The following BRWD1 variants were observed in gnomAD, a reference collection of about 807,000 sequenced individuals.
BRWD1 encodes bromodomain and WD repeat domain containing 1.
Under a neutral mutation model 251.2 loss-of-function variants are expected in BRWD1, and 82 were observed. That is an observed-to-expected ratio of 0.33 (90% CI 0.27 to 0.39). The LOEUF (loss-of-function observed/expected upper bound fraction) is 0.39. Ranked by LOEUF, BRWD1 falls within the 10% of genes least tolerant of loss-of-function variation. BRWD1 has a pLI of 1.00. For missense variants in BRWD1, 2,233 were observed against 2,711.6 expected, an observed-to-expected ratio of 0.82 and a Z score of 3.92; for synonymous variants, 918 against 902.8, an observed-to-expected ratio of 1.02 and a Z score of -0.30.
chr21:39,231,068 C>T (rs2146549641), intron 25 of BRWD1, among the ~76,000 whole-genome samples: 1 of 152,218 alleles, frequency 6.6e-6, no homozygotes, highest in Admixed American at 6.5e-5. Context: ...TAAAGCCTAA[C>T]TTATACAAGC....
At chr21:39,185,381 G>A (rs1272929042), downstream of BRWD1, 1 of 147,434 alleles carries the variant, frequency 6.8e-6, no homozygotes, top group Non-Finnish European at 1.5e-5. Context: ...ACTTGTTGAG[G>A]ACATAATATA....
At chr21:39,291,495 T>A (rs1394903959) in intron 8 of BRWD1, among the ~76,000 whole-genome samples, 1 of 152,140 alleles carries the variant, frequency 6.6e-6, no homozygotes, top group Non-Finnish European at 1.5e-5. Flanking sequence ...ACCAACATGT[T>A]TTTCCATATG....
intron 5 of BRWD1, chr21:39,296,736 TA>T (rs34798659): frequency 1 from 890,854 of 892,416 alleles, 444,652 homozygotes; most frequent in East Asian, 1. Flanking sequence ...AAATGATTGG[TA>T]AAAGATGGAC....
At chr21:39,305,011 G>A (rs1460989040) in intron 4 of BRWD1, among the ~76,000 whole-genome samples, 2 of 146,068 alleles carry the variant, frequency 1.4e-5, no homozygotes, top group Non-Finnish European at 3.0e-5. Context: ...CCAGGCTGGA[G>A]TGCAGTGGCA....
rs114540030 is a variant in BRWD1 at position 39,191,335 on chromosome 21, T to C, written c.*4924A>G. 3.2e-3 allele frequency: 3,112 copies of C among 985,278 alleles called. 69 individuals are homozygous for C. In the African/African-American group the frequency reaches 0.049, roughly 15 times the overall value. The allele number at this position is 985,278 out of a possible 1,614,324, so 61.0% of individuals were successfully genotyped here. A position where few individuals can be genotyped will look rare whatever the true frequency, so the allele number is the denominator to read the frequency against. On this transcript the variant is annotated 3_prime_UTR_variant, in exon 41 of 41. Coordinates refer to ENST00000342449, the MANE Select transcript of BRWD1 (RefSeq NM_033656.4). ...AAAGAAATTACCAGTGGAAAAGAGGTTGGGGAACCACTTGGGACAAGTCTG... is the reference window on the plus strand; with the variant it reads ...AAAGAAATTACCAGTGGAAAAGAGGCTGGGGAACCACTTGGGACAAGTCTG...
At chr21:39,228,912 T>C (rs555728538) in intron 26 of BRWD1, among the ~76,000 whole-genome samples, 19 of 152,330 alleles carry the variant, frequency 1.2e-4, no homozygotes, top group Non-Finnish European at 1.8e-4. Flanking sequence ...TATTAAGACA[T>C]TCAATCAAAC....
intron 31 of BRWD1, chr21:39,217,460 C>A: frequency 4.8e-6 from 1 of 206,206 alleles, no homozygotes; most frequent in South Asian, 7.7e-5. Context: ...ATATCATATT[C>A]AACAGAACGA....
chr21:39,217,685 A>G (rs939607099), intron 31 of BRWD1, among the ~76,000 whole-genome samples: 1 of 152,234 alleles, frequency 6.6e-6, no homozygotes, highest in African/African-American at 2.4e-5. Flanking sequence ...ACCAAGAATA[A>G]TTAAAATAGA....
intron 23 of BRWD1, 46 bp downstream of exon 23, chr21:39,236,549 T>TG: frequency 7.0e-7 from 1 of 1,423,992 alleles, no homozygotes; most frequent in Non-Finnish European, 9.6e-7. Context: ...GGGGTAAAGC[T>TG]GGGGTATCAT....
intron 31 of BRWD1, among the ~76,000 whole-genome samples, chr21:39,216,077 A>G (rs2032879365): frequency 6.6e-6 from 1 of 152,226 alleles, no homozygotes. Context: ...ATGGGAATGC[A>G]CATTCCAGTG....
At chr21:39,311,996 G>A (rs767039888) in intron 4 of BRWD1, among the ~76,000 whole-genome samples, 1 of 152,144 alleles carries the variant, frequency 6.6e-6, no homozygotes, top group Non-Finnish European at 1.5e-5. Flanking sequence ...ACAAGATGCT[G>A]AATATGGCCT....
rs776715448 is a variant in BRWD1 at position 39,197,178 on chromosome 21, G to A, written c.5891C>T (p.Pro1964Leu). The change falls in exon 41 of 41, where the codon CCT becomes CTT. Residue 1964 changes from proline to leucine, a missense_variant. Physicochemically the swap from Pro to Leu is moderately conservative, Grantham distance 98. This residue lies in a region of BRWD1 where 928 missense variants were observed against 970.0 expected (regional missense o/e 0.96). Coordinates refer to ENST00000342449, the MANE Select transcript of BRWD1 (RefSeq NM_033656.4). Reference sequence around the variant, plus strand: ...AGCTGTAGTACAAGCAAGATGGAGAGGTTTTTTCCTTCCATTTTTGCTTCT... The same window carrying A: ...AGCTGTAGTACAAGCAAGATGGAGAAGTTTTTTCCTTCCATTTTTGCTTCT... ...HTRSKNGRKK[P>L]LHLACTTAKK... 80 of 1,613,944 alleles carry A rather than the reference G, an allele frequency of 5.0e-5. No homozygotes were observed. The South Asian group carries it at 8.5e-4, about 17-fold the overall frequency.
chr21:39,263,958 T>C (rs904557576), intron 17 of BRWD1, among the ~76,000 whole-genome samples: 1 of 152,116 alleles, frequency 6.6e-6, no homozygotes, highest in Non-Finnish European at 1.5e-5. Flanking sequence ...AATCAAGAAG[T>C]AGACAAACCC....
chr21:39,318,458 A>G (rs1405024765), upstream of BRWD1, among the ~76,000 whole-genome samples: 1 of 152,198 alleles, frequency 6.6e-6, no homozygotes, highest in Non-Finnish European at 1.5e-5. Flanking sequence ...GTTGATGTAC[A>G]CACAACATCA....
intron 29 of BRWD1, among the ~76,000 whole-genome samples, chr21:39,223,068 A>T (rs1005037943): frequency 6.6e-6 from 1 of 152,212 alleles, no homozygotes; most frequent in East Asian, 1.9e-4. Flanking sequence ...TGAAAAACGG[A>T]GGGATCCTGG....
At chr21:39,297,474 C>G (rs938540453) in intron 5 of BRWD1, 12 of 914,520 alleles carry the variant, frequency 1.3e-5, no homozygotes, top group Non-Finnish European at 1.4e-5. Context: ...GAGCTTGACA[C>G]AAGTAAAGAA....
chr21:39,319,899 T>C (rs1472190448), intron 1 of BRWD1, among the ~76,000 whole-genome samples: 3 of 152,244 alleles, frequency 2.0e-5, no homozygotes, highest in Non-Finnish European at 4.4e-5. Flanking sequence ...GCCACTTCTG[T>C]ATCTTCTTTG....
chr21:39,212,030 T>C (rs1335871499), intron 34 of BRWD1, among the ~76,000 whole-genome samples: 1 of 152,096 alleles, frequency 6.6e-6, no homozygotes, highest in Non-Finnish European at 1.5e-5. Flanking sequence ...CTCAACCTCA[T>C]CATCCCAACA....
chr21:39,188,138 A>T lies in BRWD1; in HGVS notation c.*8121T>A. The stretch of plus-strand genomic sequence containing the variant: ...CCAGTGTCTCAAAGCCAAATTTTCA[A>T]ATTTCACAAACAAGTCTAATTAGTA... On this transcript the variant is annotated 3_prime_UTR_variant, in exon 41 of 41. Coordinates refer to ENST00000342449, the MANE Select transcript of BRWD1 (RefSeq NM_033656.4). The T allele has an allele frequency of 1.0e-6, 1 of 985,412 alleles. No individual in the cohort carries two copies. The highest frequency in any genetic ancestry group is 1.2e-6 in the Non-Finnish European group (1 of 829,926). The allele number at this position is 985,412 out of a possible 1,614,324, so 61.0% of individuals were successfully genotyped here. A position where few individuals can be genotyped will look rare whatever the true frequency, so the allele number is the denominator to read the frequency against.
Sources: gnomAD v4.1 joint callset for allele counts (sites outside exome capture counted in the v4.1 genomes callset) on GRCh38, gnomAD v4.1.1 for gene constraint, gnomAD v4.1.1 regional missense constraint, MANE v1.5 for transcripts, NCBI Gene and HGNC (gene_info 2026-07-23, HGNC 2026-07-21) for gene names.